The following MLLT3 variants were observed in gnomAD, a reference collection of about 807,000 sequenced individuals.
MLLT3 encodes protein AF-9.
Under a neutral mutation model 53.2 loss-of-function variants are expected in MLLT3, and 4 were observed. The ratio of observed to expected loss-of-function variants is 0.08; its 90% CI spans 0.04 to 0.17. MLLT3 has a LOEUF of 0.17. MLLT3 is among the 10% of genes least tolerant of loss of function. The pLI, the probability that MLLT3 is intolerant of heterozygous loss-of-function variation, is 1.00. For synonymous variants in MLLT3, 283 were observed against 230.6 expected, an observed-to-expected ratio of 1.23 and a Z score of -2.06; for missense variants, 569 against 684.0, an observed-to-expected ratio of 0.83 and a Z score of 1.87.
intron 5 of MLLT3, among the ~76,000 whole-genome samples, chr9:20,366,784 A>G (rs1821463469): frequency 6.6e-6 from 1 of 152,184 alleles, no homozygotes; most frequent in Admixed American, 6.5e-5. Flanking sequence ...TTGCATTTCA[A>G]AAGAAGACAT....
chr9:20,360,991 C>A (rs1821308134), intron 7 of MLLT3, 150 bp from the exon 8 acceptor site: 1 of 672,820 alleles, frequency 1.5e-6, no homozygotes, highest in African/African-American at 1.8e-5. Flanking sequence ...TTGGTGCTTA[C>A]TTTGTAACTG....
intron 2 of MLLT3, among the ~76,000 whole-genome samples, chr9:20,574,781 A>G (rs1819612909): frequency 6.6e-6 from 1 of 152,126 alleles, no homozygotes; most frequent in African/African-American, 2.4e-5. Context: ...TGCTGCATGG[A>G]TTGACTCTTC....
chr9:20,548,341 T>C (rs1165892741), intron 2 of MLLT3, among the ~76,000 whole-genome samples: 2 of 152,230 alleles, frequency 1.3e-5, no homozygotes, highest in African/African-American at 4.8e-5. Context: ...ATGGCTCTCG[T>C]AGTATCTAAC....
At chr9:20,434,277 G>C (rs1231001693) in intron 4 of MLLT3, among the ~76,000 whole-genome samples, 8 of 152,042 alleles carry the variant, frequency 5.3e-5, no homozygotes, top group Non-Finnish European at 1.0e-4. Flanking sequence ...TTGTTTGCAA[G>C]AAATAAATTC....
At chr9:20,541,052 C>G (rs910623025) in intron 2 of MLLT3, among the ~76,000 whole-genome samples, 5 of 152,310 alleles carry the variant, frequency 3.3e-5, no homozygotes, top group African/African-American at 1.2e-4. Context: ...CCACAAATCT[C>G]TAGGGCAGGG....
At chr9:20,521,200 A>G (rs1453316274) in intron 2 of MLLT3, among the ~76,000 whole-genome samples, 2 of 151,946 alleles carry the variant, frequency 1.3e-5, no homozygotes, top group Admixed American at 6.6e-5. Context: ...CCTCCCTAGC[A>G]GCTGGGACTT....
intron 5 of MLLT3, among the ~76,000 whole-genome samples, chr9:20,399,230 T>C (rs1395688738): frequency 6.6e-6 from 1 of 152,122 alleles, no homozygotes; most frequent in Non-Finnish European, 1.5e-5. Context: ...AAATTCCATC[T>C]CCAGATTACA....
chr9:20,596,103 A>C (rs903210219), intron 2 of MLLT3, among the ~76,000 whole-genome samples: 2 of 152,252 alleles, frequency 1.3e-5, no homozygotes, highest in Non-Finnish European at 2.9e-5. Flanking sequence ...GGGCAGGCTT[A>C]AGGGAAAACT....
At chr9:20,550,056 C>T (rs1359989446) in intron 2 of MLLT3, among the ~76,000 whole-genome samples, 1 of 152,152 alleles carries the variant, frequency 6.6e-6, no homozygotes, top group Non-Finnish European at 1.5e-5. Context: ...GAACTCCAAA[C>T]CCACTTCAAT....
chr9:20,397,426 A>G (rs1822350495), intron 5 of MLLT3, among the ~76,000 whole-genome samples: 1 of 152,154 alleles, frequency 6.6e-6, no homozygotes, highest in Non-Finnish European at 1.5e-5. Context: ...GCGATTGGCA[A>G]GAGTGAGTAT....
At chr9:20,544,646 T>C (rs1563810567) in intron 2 of MLLT3, among the ~76,000 whole-genome samples, 1 of 152,190 alleles carries the variant, frequency 6.6e-6, no homozygotes, top group Non-Finnish European at 1.5e-5. Context: ...GGATACAAAA[T>C]GGTAGAGCTG....
intron 2 of MLLT3, among the ~76,000 whole-genome samples, chr9:20,508,145 T>G (rs1290621419): frequency 6.6e-6 from 1 of 152,190 alleles, no homozygotes; most frequent in Non-Finnish European, 1.5e-5. Flanking sequence ...TTTAAAATAC[T>G]GCAACTTTCC....
At chr9:20,388,562 T>C (rs1822100556) in intron 5 of MLLT3, among the ~76,000 whole-genome samples, 1 of 152,094 alleles carries the variant, frequency 6.6e-6, no homozygotes. Context: ...CACTATGGCC[T>C]GGGTGACAGA....
At chr9:20,348,029 G>A (rs550198934) in intron 10 of MLLT3, among the ~76,000 whole-genome samples, 8 of 152,090 alleles carry the variant, frequency 5.3e-5, no homozygotes, top group Non-Finnish European at 8.8e-5. Context: ...CATATTATTT[G>A]ACTTTCACAG....
At chr9:20,468,771 G>A (rs1001586124) in intron 2 of MLLT3, among the ~76,000 whole-genome samples, 6 of 152,078 alleles carry the variant, frequency 3.9e-5, no homozygotes, top group African/African-American at 7.2e-5. Context: ...AAGGACCGAC[G>A]TCATATATGT....
intron 2 of MLLT3, among the ~76,000 whole-genome samples, chr9:20,474,987 A>G (rs1824485142): frequency 1.3e-5 from 2 of 152,130 alleles, no homozygotes; most frequent in African/African-American, 4.8e-5. Flanking sequence ...AAGAGCTGTC[A>G]GCCTAGTACA....
intron 2 of MLLT3, among the ~76,000 whole-genome samples, chr9:20,564,679 A>C (rs1200819765): frequency 6.6e-6 from 1 of 152,196 alleles, no homozygotes; most frequent in African/African-American, 2.4e-5. Flanking sequence ...TAAAGTTCTT[A>C]AATCATTTAA....
chr9:20,487,035 A>C (rs1316542402), intron 2 of MLLT3, among the ~76,000 whole-genome samples: 5 of 152,150 alleles, frequency 3.3e-5, no homozygotes, highest in African/African-American at 1.2e-4. Flanking sequence ...AAGATAACAA[A>C]ATGCAATTAT....
intron 2 of MLLT3, among the ~76,000 whole-genome samples, chr9:20,590,820 C>G (rs914546432): frequency 6.6e-6 from 1 of 152,112 alleles, no homozygotes; most frequent in African/African-American, 2.4e-5. Flanking sequence ...ACTGCAGCCT[C>G]GAATTCCTGG....
Sources: allele counts gnomAD v4.1 joint callset (sites outside exome capture counted in the v4.1 genomes callset), GRCh38; gene constraint gnomAD v4.1.1; transcripts MANE v1.5; gene names NCBI Gene and HGNC (gene_info 2026-07-23, HGNC 2026-07-21).